The following TMEM272 variants were observed in gnomAD, a reference collection of about 807,000 sequenced individuals.
TMEM272 encodes long intergenic non-protein coding RNA 282.
A neutral mutation model predicts 3.7 loss-of-function variants in TMEM272; 8 were observed. The observed-to-expected ratio is 2.17, with a 90% CI of 1.27 to 3.91. TMEM272 has a LOEUF of 3.91. Ranked by LOEUF, TMEM272 falls within the 30% of genes most tolerant of loss-of-function variation. The pLI is 0.00. For synonymous variants in TMEM272, 63 were observed against 39.8 expected (o/e 1.58, Z -2.20); for missense variants, 166 against 91.5 (o/e 1.81, Z -3.32).
chr13:51,828,882 T>C (rs1299704678), intron 2 of TMEM272, among the ~76,000 whole-genome samples: 2 of 152,178 alleles, frequency 1.3e-5, no homozygotes, highest in Non-Finnish European at 2.9e-5. Context: ...AAGATTTACT[T>C]CCATTTGAAC....
chr13:51,833,284 G>T (rs969990677), intron 2 of TMEM272, among the ~76,000 whole-genome samples: 2 of 152,176 alleles, frequency 1.3e-5, no homozygotes, highest in African/African-American at 4.8e-5. Flanking sequence ...GGGCATTTCT[G>T]TTTTGCATAA....
At chr13:51,931,499 G>C in the TMEM272 span, among the ~76,000 whole-genome samples, 1 of 149,688 alleles carries the variant, frequency 6.7e-6, no homozygotes. Flanking sequence ...AGGGGTGGGG[G>C]ATTAGGGGAG....
chr13:51,926,222 G>A, the TMEM272 span, among the ~76,000 whole-genome samples: 6 of 152,082 alleles, frequency 3.9e-5, no homozygotes, highest in Non-Finnish European at 8.8e-5. Context: ...TGCCTTCCCT[G>A]AATCCTTCCA....
chr13:51,913,998 G>C, the TMEM272 span, among the ~76,000 whole-genome samples: 1 of 152,248 alleles, frequency 6.6e-6, no homozygotes, highest in Non-Finnish European at 1.5e-5. Flanking sequence ...GCTGACATCT[G>C]TCAGGGAACA....
chr13:51,902,686 C>G, the TMEM272 span, among the ~76,000 whole-genome samples: 6 of 152,170 alleles, frequency 3.9e-5, no homozygotes, highest in African/African-American at 1.4e-4. Flanking sequence ...ACTTGCAGCC[C>G]TGATGGACAG....
At chr13:51,908,929 G>A in the TMEM272 span, 2 of 1,385,464 alleles carry the variant, frequency 1.4e-6, no homozygotes, top group South Asian at 2.3e-5. Context: ...GTAATCTGGT[G>A]GTCCAGAGGA....
At chr13:51,849,229 C>T (rs1956320590), upstream of TMEM272, among the ~76,000 whole-genome samples, 1 of 152,104 alleles carries the variant, frequency 6.6e-6, no homozygotes, top group African/African-American at 2.4e-5. Context: ...GGCCATTATG[C>T]TAAGAAATAA....
chr13:51,851,716 G>C, the TMEM272 span, among the ~76,000 whole-genome samples: 1 of 152,044 alleles, frequency 6.6e-6, no homozygotes, highest in Non-Finnish European at 1.5e-5. Flanking sequence ...GTAAAGACAG[G>C]GTTTCACTAT....
the TMEM272 span, among the ~76,000 whole-genome samples, chr13:51,878,254 C>T: frequency 2.0e-5 from 3 of 152,108 alleles, no homozygotes; most frequent in East Asian, 1.9e-4. Flanking sequence ...CATGGTGAAA[C>T]CCTGTCTCTA....
At chr13:51,918,492 A>G in the TMEM272 span, among the ~76,000 whole-genome samples, 2 of 152,266 alleles carry the variant, frequency 1.3e-5, no homozygotes, top group Non-Finnish European at 2.9e-5. Context: ...AGAAGCAAAA[A>G]TGATATGGCA....
At chr13:51,830,098 A>G (rs1290381752) in intron 2 of TMEM272, among the ~76,000 whole-genome samples, 4 of 152,212 alleles carry the variant, frequency 2.6e-5, no homozygotes, top group African/African-American at 9.7e-5. Flanking sequence ...CTCTTTGTTC[A>G]GCCACGTACA....
chr13:51,857,499 T>C, the TMEM272 span, among the ~76,000 whole-genome samples: 2 of 151,978 alleles, frequency 1.3e-5, no homozygotes, highest in Admixed American at 6.6e-5. Context: ...ATGAAAAAGG[T>C]AGAAGGGGTA....
intron 2 of TMEM272, among the ~76,000 whole-genome samples, chr13:51,830,076 C>T (rs1956160426): frequency 6.6e-6 from 1 of 152,230 alleles, no homozygotes. Context: ...GGTTCCTTTT[C>T]TGCAATTACC....
the TMEM272 span, among the ~76,000 whole-genome samples, chr13:51,891,850 T>G: frequency 6.6e-6 from 1 of 152,134 alleles, no homozygotes; most frequent in Non-Finnish European, 1.5e-5. Flanking sequence ...GTTTGCCCAC[T>G]GGGCAGTGGG....
chr13:51,844,588 C>T (rs975867670), intron 1 of TMEM272, among the ~76,000 whole-genome samples: 1 of 152,080 alleles, frequency 6.6e-6, no homozygotes, highest in African/African-American at 2.4e-5. Flanking sequence ...AGGATGCCTT[C>T]ATTGTTTGGC....
chr13:51,920,693 T>G, the TMEM272 span, among the ~76,000 whole-genome samples: 2 of 152,312 alleles, frequency 1.3e-5, no homozygotes, highest in East Asian at 3.9e-4. Context: ...TCCTCTACCC[T>G]GCTGTCCTGC....
the TMEM272 span, among the ~76,000 whole-genome samples, chr13:51,929,436 G>A: frequency 6.6e-6 from 1 of 152,112 alleles, no homozygotes; most frequent in African/African-American, 2.4e-5. Context: ...TTTTCCTTCT[G>A]ATACTTGCAT....
rs376979502 is a variant in TMEM272 at position 51,817,027 on chromosome 13, G to T, written c.288C>A (p.Tyr96Ter). The T allele has an allele frequency of 1.4e-6, 1 of 702,998 alleles. No individual in the cohort carries two copies. The highest frequency in any genetic ancestry group is 2.6e-6 in the Non-Finnish European group (1 of 385,000). 43.5% of individuals were successfully genotyped at this position (702,998 alleles called of 1,614,324 possible). A position where few individuals can be genotyped will look rare whatever the true frequency, so the allele number is the denominator to read the frequency against. The change falls in exon 5 of 5, where the codon TAC (tyrosine) becomes TAA (stop). Residue 96 changes from tyrosine (Y) to a stop codon, truncating the protein, a stop_gained. Transcript: ENST00000629372. LOFTEE classifies it low-confidence loss of function (END_TRUNC). ...VVIDDDDDDE[Y>*]PWRQNAHRYY... ...ATCTGTGCGCATTCTGCCTCCAGGG[G>T]TATTCGTCATCGTCATCGTCATCAA...
the TMEM272 span, among the ~76,000 whole-genome samples, chr13:51,927,569 T>C: frequency 6.6e-6 from 1 of 152,216 alleles, no homozygotes. Context: ...AGGTCCTGTC[T>C]TCTAAAACCA....
Sources: allele counts gnomAD v4.1 joint callset (sites outside exome capture counted in the v4.1 genomes callset), GRCh38; gene constraint gnomAD v4.1.1; transcripts MANE v1.5; gene names NCBI Gene and HGNC (gene_info 2026-07-23, HGNC 2026-07-21).